CEP63: variants seen among roughly 807,000 people sequenced by gnomAD.
CEP63 encodes centrosomal protein of 63 kDa.
CEP63 carries 84 observed loss-of-function variants against 89.1 expected under a neutral mutation model. That is an observed-to-expected ratio of 0.94 (90% CI 0.79 to 1.13). The LOEUF is 1.13. CEP63 is among the 50% of genes most tolerant of loss of function. CEP63 has a pLI of 0.00. For missense variants in CEP63, 838 were observed against 813.3 expected, an observed-to-expected ratio of 1.03 and a Z score of -0.37; for synonymous variants, 267 against 272.5, an observed-to-expected ratio of 0.98 and a Z score of 0.20.
chr3:134,669,897 A>C, the CEP63 span, among the ~76,000 whole-genome samples: 1 of 152,230 alleles, frequency 6.6e-6, no homozygotes, highest in Non-Finnish European at 1.5e-5. Flanking sequence ...CCTAATCCCC[A>C]ATGTGATGAT....
At chr3:134,653,733 A>C in the CEP63 span, among the ~76,000 whole-genome samples, 2 of 152,140 alleles carry the variant, frequency 1.3e-5, no homozygotes, top group African/African-American at 2.4e-5. Context: ...CTTCTGCTCA[A>C]ATCCTCCCTC....
At chr3:134,769,328 A>G in the CEP63 span, among the ~76,000 whole-genome samples, 1,243 of 152,274 alleles carry the variant, frequency 8.2e-3, 15 homozygotes, top group African/African-American at 0.027. Flanking sequence ...GTGTTTAAAC[A>G]AGGCCCCCCA....
intron 14 of CEP63, 95 bp downstream of exon 14, chr3:134,559,524 A>G (rs1346646779): frequency 1.9e-6 from 2 of 1,056,454 alleles, no homozygotes; most frequent in East Asian, 2.5e-5. Flanking sequence ...TTTTTTCCTT[A>G]CTGATTCTTT....
At chr3:134,638,544 C>T in the CEP63 span, among the ~76,000 whole-genome samples, 1 of 152,226 alleles carries the variant, frequency 6.6e-6, no homozygotes, top group African/African-American at 2.4e-5. Flanking sequence ...TCTGAAGCTG[C>T]AGCTTTGACC....
At chr3:134,568,448 C>T (rs1957877086), downstream of CEP63, among the ~76,000 whole-genome samples, 1 of 152,242 alleles carries the variant, frequency 6.6e-6, no homozygotes, top group Admixed American at 6.5e-5. Flanking sequence ...CCTGCAGGTT[C>T]CTGTGTAACC....
At position 134,558,102 on chromosome 3, in the gene CEP63, C is replaced by G. The variant is rs757317281; in HGVS notation, c.1468-40C>G. On this transcript the variant is annotated intron_variant, in intron 12 of 14. Coordinates refer to ENST00000675561, the MANE Select transcript of CEP63 (RefSeq NM_001353108.3). Reference sequence around the variant, plus strand: ...AGCAGTATCACAGATCACAGGTATTCTTGTACAGATTAAGTGACTCTAGTA... The same window carrying G: ...AGCAGTATCACAGATCACAGGTATTGTTGTACAGATTAAGTGACTCTAGTA... 9 of 1,518,068 alleles carry G rather than the reference C, an allele frequency of 5.9e-6. No homozygotes were observed. The South Asian group carries it at 1.0e-4, about 17-fold the overall frequency. The allele number at this position is 1,518,068 out of a possible 1,614,324, so 94.0% of individuals were successfully genotyped here. A position where few individuals can be genotyped will look rare whatever the true frequency, so the allele number is the denominator to read the frequency against.
chr3:134,565,802 A>T (rs551976472), downstream of CEP63, among the ~76,000 whole-genome samples: 1 of 150,754 alleles, frequency 6.6e-6, no homozygotes, highest in East Asian at 1.9e-4. Context: ...TCATAGACTT[A>T]AGAAAAGCAC....
At chr3:134,549,841 C>G (rs1257323255) in intron 10 of CEP63, among the ~76,000 whole-genome samples, 1 of 152,176 alleles carries the variant, frequency 6.6e-6, no homozygotes, top group Non-Finnish European at 1.5e-5. Context: ...AATAACCCAT[C>G]TCTCCCTGTT....
chr3:134,501,929 A>G (rs1163850742), intron 2 of CEP63, among the ~76,000 whole-genome samples: 2 of 152,104 alleles, frequency 1.3e-5, no homozygotes, highest in African/African-American at 4.8e-5. Flanking sequence ...GAATGCTTTT[A>G]ACTTTTGCCT....
At chr3:134,667,388 G>A in the CEP63 span, among the ~76,000 whole-genome samples, 2 of 152,128 alleles carry the variant, frequency 1.3e-5, no homozygotes, top group East Asian at 1.9e-4. Flanking sequence ...AGGTGGTGGC[G>A]GGAGAGGCAA....
the CEP63 span, among the ~76,000 whole-genome samples, chr3:134,595,808 C>G: frequency 2.0e-5 from 3 of 152,030 alleles, no homozygotes; most frequent in Non-Finnish European, 2.9e-5. Context: ...TGCAGGGGCT[C>G]CTCTTCAGAG....
chr3:134,550,175 C>T lies in CEP63; in HGVS notation c.1295C>T (p.Ala432Val), dbSNP rs759960215. Residue 432 changes from alanine (A) to valine (V), a missense_variant, in exon 11 of 15, where the codon GCT (alanine) becomes GTT (valine). Transcript: ENST00000675561. The stretch of plus-strand genomic sequence containing the variant: ...TTACATCAGCGAGATATCACTATTG[C>T]TTCCACCAAAGGTTCTTCCTCAGAC... ...QELHQRDITI[A>V]STKGSSSDME... 5.6e-6 allele frequency: 9 copies of T among 1,613,908 alleles called. No individual in the cohort carries two copies. In the Admixed American group the frequency reaches 1.5e-4, roughly 27 times the overall value.
the CEP63 span, among the ~76,000 whole-genome samples, chr3:134,704,736 T>C: frequency 3.9e-5 from 6 of 152,212 alleles, no homozygotes; most frequent in Admixed American, 3.9e-4. Context: ...GCCATCATGG[T>C]CCCTATGTGC....
At chr3:134,762,978 C>A in the CEP63 span, among the ~76,000 whole-genome samples, 1 of 152,102 alleles carries the variant, frequency 6.6e-6, no homozygotes. Context: ...ACTTCTAGGG[C>A]CTGCGATGGT....
chr3:134,615,967 C>T, the CEP63 span, among the ~76,000 whole-genome samples: 3 of 152,314 alleles, frequency 2.0e-5, no homozygotes, highest in East Asian at 5.8e-4. Flanking sequence ...GGCTCAAACT[C>T]GTAATAAGTG....
chr3:134,760,775 T>C, the CEP63 span, among the ~76,000 whole-genome samples: 1 of 152,172 alleles, frequency 6.6e-6, no homozygotes, highest in Non-Finnish European at 1.5e-5. Flanking sequence ...AGCTTCATTA[T>C]AGCACAATGC....
chr3:134,721,169 T>C, the CEP63 span, among the ~76,000 whole-genome samples: 4 of 152,148 alleles, frequency 2.6e-5, no homozygotes, highest in Admixed American at 2.6e-4. Flanking sequence ...GTTGTCAGCA[T>C]ACAAATCATA....
At chr3:134,761,974 C>A in the CEP63 span, among the ~76,000 whole-genome samples, 20,037 of 152,130 alleles carry the variant, frequency 0.13, 1,439 homozygotes, top group Middle Eastern at 0.18. Context: ...AACTTTCAGC[C>A]GTTCTTATCC....
At chr3:134,733,640 T>A in the CEP63 span, among the ~76,000 whole-genome samples, 1 of 152,142 alleles carries the variant, frequency 6.6e-6, no homozygotes, top group Non-Finnish European at 1.5e-5. Flanking sequence ...GAACGCCATG[T>A]GCCAGTGGAG....
Sources: gnomAD v4.1 joint callset for allele counts (sites outside exome capture counted in the v4.1 genomes callset) on GRCh38, gnomAD v4.1.1 for gene constraint, MANE v1.5 for transcripts, NCBI Gene and HGNC (gene_info 2026-07-23, HGNC 2026-07-21) for gene names.